Variants in NFATC2 observed in about 807,000 individuals in gnomAD.
NFATC2 encodes nuclear factor of activated T-cells, cytoplasmic 2.
A neutral mutation model predicts 87.3 loss-of-function variants in NFATC2; 22 were observed. That is an observed-to-expected ratio of 0.25 (90% CI 0.18 to 0.36). The LOEUF (loss-of-function observed/expected upper bound fraction) is 0.36, where lower values mean the gene tolerates loss of function less well. NFATC2 is among the 10% of genes least tolerant of loss of function. The pLI is 1.00. For missense variants in NFATC2, 1,149 were observed against 1,259.1 expected (o/e 0.91, Z 1.32); for synonymous variants, 565 against 542.2 (o/e 1.04, Z -0.58).
chr20:51,472,339 A>G (rs1271209094), intron 5 of NFATC2, among the ~76,000 whole-genome samples: 1 of 152,202 alleles, frequency 6.6e-6, no homozygotes, highest in Non-Finnish European at 1.5e-5. Flanking sequence ...GTTGAGTAGC[A>G]GCAGCGCATT....
chr20:51,445,045 C>A (rs563556572), intron 6 of NFATC2, among the ~76,000 whole-genome samples: 2 of 152,154 alleles, frequency 1.3e-5, no homozygotes, highest in Non-Finnish European at 2.9e-5. Flanking sequence ...GTGCTGCCCC[C>A]CACCAAGTCC....
intron 6 of NFATC2, among the ~76,000 whole-genome samples, chr20:51,444,285 A>G (rs551169868): frequency 1.3e-5 from 2 of 152,042 alleles, no homozygotes; most frequent in East Asian, 3.9e-4. Context: ...CCCACCTGAC[A>G]TTATAGCCTC....
chr20:51,391,503 G>T, intron 10 of NFATC2, 52 bp from the exon 11 acceptor site: 3 of 1,571,614 alleles, frequency 1.9e-6, no homozygotes, highest in South Asian at 1.1e-5. Context: ...AAGTGAGAGG[G>T]CACCGAAAAC....
At chr20:51,560,061 C>A (rs2077008761) in intron 1 of NFATC2, among the ~76,000 whole-genome samples, 1 of 152,180 alleles carries the variant, frequency 6.6e-6, no homozygotes, top group Non-Finnish European at 1.5e-5. Context: ...TGTTTACTGT[C>A]AAATCCAGTT....
Position 51,474,057 on chromosome 20 carries a change from A to G in NFATC2, c.1631T>C (p.Leu544Pro). The change falls in exon 5 of 11, where the codon CTG becomes CCG. Residue 544 changes from leucine (L) to proline (P), a missense_variant. Coordinates refer to ENST00000371564, the MANE Select transcript of NFATC2 (RefSeq NM_012340.5). Reference protein sequence around the residue: ...DIGRKNTRVRLVFRVHIPESS... With the variant: ...DIGRKNTRVRPVFRVHIPESS... ...CTCTGGGATGTGAACTCGGAAAACC[A>G]GTCTCACCCGCGTGTTCTTTCTTCC... 1 of 1,614,244 alleles carries G rather than the reference A, an allele frequency of 6.2e-7. No individual in the cohort carries two copies.
intron 3 of NFATC2, among the ~76,000 whole-genome samples, chr20:51,506,299 G>A (rs1420978114): frequency 2.0e-5 from 3 of 152,228 alleles, no homozygotes; most frequent in African/African-American, 7.2e-5. Flanking sequence ...CTGCATGCCT[G>A]CCCAAGCCAT....
intron 1 of NFATC2, among the ~76,000 whole-genome samples, chr20:51,537,676 G>A (rs1961407221): frequency 6.6e-6 from 1 of 152,182 alleles, no homozygotes; most frequent in Non-Finnish European, 1.5e-5. Flanking sequence ...AGAGTCCATT[G>A]TATTCACAAG....
At chr20:51,554,285 AT>A (rs1011092553) in intron 1 of NFATC2, among the ~76,000 whole-genome samples, 1 of 152,102 alleles carries the variant, frequency 6.6e-6, no homozygotes, top group African/African-American at 2.4e-5. Context: ...AAACATCTCT[AT>A]CTGACTTTCA....
At chr20:51,505,113 A>ACACCATT (rs1391444887) in intron 3 of NFATC2, among the ~76,000 whole-genome samples, 6 of 140,898 alleles carry the variant, frequency 4.3e-5, no homozygotes, top group Non-Finnish European at 1.5e-5. Flanking sequence ...TCCCGGGTTC[A>ACACCATT]CACCATTATC....
intron 3 of NFATC2, among the ~76,000 whole-genome samples, chr20:51,502,675 GGATA>G (rs540162827): frequency 2.1e-3 from 321 of 152,184 alleles, no homozygotes; most frequent in Non-Finnish European, 3.4e-3. Context: ...AAGGAGAGAC[GGATA>G]GATACATGAC....
intron 3 of NFATC2, among the ~76,000 whole-genome samples, chr20:51,506,571 G>C (rs1230884407): frequency 6.9e-6 from 1 of 144,956 alleles, no homozygotes; most frequent in Admixed American, 7.2e-5. Flanking sequence ...TTCCGAGGCC[G>C]TTAGGAGTCT....
chr20:51,435,721 C>T lies in NFATC2; in HGVS notation c.1890G>A (p.Lys630=). 6.2e-7 allele frequency: 1 copy of T among 1,609,744 alleles called. No homozygotes were observed. Among genetic ancestry groups the T allele is most frequent in the Non-Finnish European group, 8.5e-7 (1 of 1,178,010 alleles). The part of the protein sequence containing the change: ...QIWEMEATVD[K]DKSQPNMLFV... ...ACGTGCTTACGGGCTGGCTCTTGTC[C>T]TTATCCACCGTGGCTTCCATCTCCC... Residue 630 remains lysine (K), a synonymous_variant, in exon 7 of 11, where the codon AAG becomes AAA. Coordinates refer to ENST00000371564, the MANE Select transcript of NFATC2 (RefSeq NM_012340.5).
Position 51,402,061 on chromosome 20 carries a change from A to G in NFATC2, c.2723-3331T>C, listed in dbSNP as rs118123870. On this transcript the variant is annotated intron_variant, in intron 9 of 10. Coordinates refer to ENST00000371564, the MANE Select transcript of NFATC2 (RefSeq NM_012340.5). ...GGACGTCCAGTTTTGTGTTTCTACAATGCAAGTCAGATGTCCCCTCCTAGC... is the reference window on the plus strand; with the variant it reads ...GGACGTCCAGTTTTGTGTTTCTACAGTGCAAGTCAGATGTCCCCTCCTAGC... Among the ~76,000 whole-genome samples, 125 of 152,326 alleles carry G rather than the reference A, an allele frequency of 8.2e-4. No homozygotes were observed. The East Asian group carries it at 0.02, about 25-fold the overall frequency.
chr20:51,397,900 A>C (rs1014597956), intron 10 of NFATC2, among the ~76,000 whole-genome samples: 1 of 152,242 alleles, frequency 6.6e-6, no homozygotes, highest in African/African-American at 2.4e-5. Flanking sequence ...GCTGAGGCAC[A>C]GAGAGGTAAT....
At chr20:51,465,288 G>A (rs922796667) in intron 5 of NFATC2, among the ~76,000 whole-genome samples, 9 of 152,096 alleles carry the variant, frequency 5.9e-5, no homozygotes, top group Admixed American at 1.3e-4. Flanking sequence ...GTTGAGGAAC[G>A]AGAATCACTT....
chr20:51,561,031 C>G (rs1276573864), intron 1 of NFATC2, among the ~76,000 whole-genome samples: 1 of 152,048 alleles, frequency 6.6e-6, no homozygotes, highest in Non-Finnish European at 1.5e-5. Flanking sequence ...CATCAAACAC[C>G]CGGTTTCAGT....
chr20:51,519,012 GC>G (rs2076399036), intron 2 of NFATC2, among the ~76,000 whole-genome samples: 2 of 151,874 alleles, frequency 1.3e-5, no homozygotes, highest in Non-Finnish European at 2.9e-5. Context: ...ACAGGTGTGA[GC>G]CACTGCGCCT....
intron 3 of NFATC2, among the ~76,000 whole-genome samples, chr20:51,487,148 A>G (rs925970818): frequency 4.6e-5 from 7 of 152,152 alleles, no homozygotes; most frequent in African/African-American, 1.7e-4. Context: ...CAAGGTATCT[A>G]CTATCTGCAG....
chr20:51,542,746 A>AAGCTGAGC, upstream of NFATC2: 1 of 7,848 alleles, frequency 1.3e-4, no homozygotes, highest in African/African-American at 3.8e-3. Context: ...CAGCCCGGGG[A>AAGCTGAGC]GGCGGGGGGG....
Sources: gnomAD v4.1 joint callset for allele counts (sites outside exome capture counted in the v4.1 genomes callset) on GRCh38, gnomAD v4.1.1 for gene constraint, MANE v1.5 for transcripts, NCBI Gene and HGNC (gene_info 2026-07-23, HGNC 2026-07-21) for gene names.